Variants in BCL9 observed in about 807,000 individuals in gnomAD.
BCL9 encodes BCL9 transcription coactivator.
In BCL9, 25 loss-of-function variants were observed where a neutral mutation model predicts 88.5. That is an observed-to-expected ratio of 0.28 (90% CI 0.21 to 0.39). The LOEUF is 0.39. BCL9 is among the 10% of genes least tolerant of loss of function. The probability of loss-of-function intolerance (pLI) is 1.00; values close to 1 mark genes in which losing one functional copy is unlikely to be tolerated. For synonymous variants in BCL9, 711 were observed against 673.3 expected, an observed-to-expected ratio of 1.06 and a Z score of -0.87; for missense variants, 1,817 against 1,877.8, an observed-to-expected ratio of 0.97 and a Z score of 0.60.
intron 1 of BCL9, among the ~76,000 whole-genome samples, chr1:147,548,906 G>C (rs959425189): frequency 6.6e-6 from 1 of 150,438 alleles, no homozygotes; most frequent in East Asian, 1.9e-4. Context: ...TTTCTCTCCT[G>C]TTGCAAAGAA....
intron 1 of BCL9, among the ~76,000 whole-genome samples, chr1:147,569,901 A>G (rs1337371415): frequency 1.3e-5 from 2 of 152,162 alleles, no homozygotes; most frequent in Non-Finnish European, 2.9e-5. Flanking sequence ...TGGCTTAGGC[A>G]TCTGAATATT....
chr1:147,603,469 G>T (rs1657503402), intron 1 of BCL9, among the ~76,000 whole-genome samples: 1 of 152,132 alleles, frequency 6.6e-6, no homozygotes, highest in Non-Finnish European at 1.5e-5. Flanking sequence ...CTGCCTTGGT[G>T]AAGATTACTT....
At chr1:147,571,616 T>C (rs988073627) in intron 1 of BCL9, among the ~76,000 whole-genome samples, 1 of 152,138 alleles carries the variant, frequency 6.6e-6, no homozygotes, top group Non-Finnish European at 1.5e-5. Flanking sequence ...CCCTTTTCCC[T>C]GTATCCCACT....
At chr1:147,551,021 A>G (rs17160417) in intron 1 of BCL9, among the ~76,000 whole-genome samples, 2,805 of 152,300 alleles carry the variant, frequency 0.018, 96 homozygotes, top group African/African-American at 0.064. Context: ...CACTTTTTGT[A>G]TCATTTATTC....
chr1:147,553,852 A>G (rs1654993697), intron 1 of BCL9, among the ~76,000 whole-genome samples: 3 of 152,182 alleles, frequency 2.0e-5, no homozygotes, highest in Admixed American at 2.0e-4. Flanking sequence ...CAGGTTTGAT[A>G]AACTAACTGG....
chr1:147,549,664 T>A (rs587711989), intron 1 of BCL9, among the ~76,000 whole-genome samples: 1 of 152,312 alleles, frequency 6.6e-6, no homozygotes, highest in South Asian at 2.1e-4. Flanking sequence ...GGCTTCTGGT[T>A]GCAAAGGACT....
chr1:147,616,513 A>G (rs1437938839), intron 7 of BCL9, among the ~76,000 whole-genome samples: 2 of 152,148 alleles, frequency 1.3e-5, no homozygotes, highest in Non-Finnish European at 2.9e-5. Flanking sequence ...CATGCCTGTA[A>G]TCCCAGCACT....
Position 147,620,563 on chromosome 1 carries a change from C to G in BCL9, c.2408C>G (p.Pro803Arg). 1 of 1,613,800 alleles carries G rather than the reference C, an allele frequency of 6.2e-7. No individual in the cohort carries two copies. The change falls in exon 8 of 10, where the codon CCA (proline) becomes CGA (arginine). Residue 803 changes from proline to arginine, a missense_variant. Transcript: ENST00000234739. ...AGTGGCTTGCGGAATCTCAGAGAACCAATTGGGCCCGACCAGAGGACTAAC... is the reference window on the plus strand; with the variant it reads ...AGTGGCTTGCGGAATCTCAGAGAACGAATTGGGCCCGACCAGAGGACTAAC... The part of the protein sequence containing the change: ...SNSGLRNLRE[P>R]IGPDQRTNSR...
chr1:147,545,533 G>T (rs1654526708), intron 1 of BCL9, among the ~76,000 whole-genome samples: 5 of 152,176 alleles, frequency 3.3e-5, no homozygotes, highest in Admixed American at 2.6e-4. Context: ...AACTCTGGGG[G>T]AAGAAAACTG....
chr1:147,556,415 C>T (rs1025549328), intron 1 of BCL9, among the ~76,000 whole-genome samples: 2 of 151,654 alleles, frequency 1.3e-5, no homozygotes, highest in Non-Finnish European at 2.9e-5. Flanking sequence ...TGAGCCACCG[C>T]GCCCAGCCTC....
At chr1:147,622,196 A>G in intron 8 of BCL9, 75 bp from the exon 9 acceptor site, 16 of 1,569,988 alleles carry the variant, frequency 1.0e-5, no homozygotes, top group Non-Finnish European at 1.4e-5. Flanking sequence ...TTGCTAGTTC[A>G]TAATCATAGG....
At position 147,618,875 on chromosome 1, in the gene BCL9, T is replaced by C. The variant is rs1409883861; in HGVS notation, c.720T>C (p.Ala240=). ...AACCTCTCCCACAACAGCCCCCAGCTCCGGCCAACCAGGACCAGAATTCTT... is the reference window on the plus strand; with the variant it reads ...AACCTCTCCCACAACAGCCCCCAGCCCCGGCCAACCAGGACCAGAATTCTT... ...DPKPLPQQPP[A]PANQDQNSSQ... Residue 240 remains alanine (A), a synonymous_variant, in exon 8 of 10, where the codon GCT becomes GCC. Coordinates refer to ENST00000234739, the MANE Select transcript of BCL9 (RefSeq NM_004326.4). 5.0e-6 allele frequency: 8 copies of C among 1,607,478 alleles called. No homozygotes were observed. Among genetic ancestry groups the C allele is most frequent in the Non-Finnish European group, 6.8e-6 (8 of 1,176,714 alleles).
chr1:147,598,546 G>A (rs1553200709), intron 1 of BCL9, among the ~76,000 whole-genome samples: 2 of 152,144 alleles, frequency 1.3e-5, no homozygotes, highest in Non-Finnish European at 2.9e-5. Context: ...GCCCAAGGAA[G>A]GTTTCCTTTA....
chr1:147,553,424 A>C (rs1654978332), intron 1 of BCL9, among the ~76,000 whole-genome samples: 2 of 152,166 alleles, frequency 1.3e-5, no homozygotes, highest in Admixed American at 1.3e-4. Context: ...TCCATGCTAT[A>C]TTCTACTTTG....
intron 1 of BCL9, among the ~76,000 whole-genome samples, chr1:147,560,474 C>T (rs1413705826): frequency 6.6e-6 from 1 of 151,754 alleles, no homozygotes; most frequent in African/African-American, 2.4e-5. Context: ...CCTGTAATCC[C>T]AGCTACTCAG....
At chr1:147,565,009 T>C (rs1655540320) in intron 1 of BCL9, among the ~76,000 whole-genome samples, 1 of 152,212 alleles carries the variant, frequency 6.6e-6, no homozygotes, top group Non-Finnish European at 1.5e-5. Context: ...GCTACCATAT[T>C]GGGCAGTGCA....
chr1:147,548,332 G>A (rs1290677226), intron 1 of BCL9, among the ~76,000 whole-genome samples: 2 of 152,188 alleles, frequency 1.3e-5, no homozygotes, highest in African/African-American at 4.8e-5. Context: ...GGCAACCATA[G>A]TCTAAAGAAT....
chr1:147,573,428 G>C (rs1361404404), intron 1 of BCL9, among the ~76,000 whole-genome samples: 2 of 151,972 alleles, frequency 1.3e-5, no homozygotes, highest in Non-Finnish European at 2.9e-5. Flanking sequence ...ACTGCAGACT[G>C]GGCAACAGGA....
At position 147,624,384 on chromosome 1, in the gene BCL9, C is replaced by T; in HGVS notation, c.3706C>T (p.Leu1236=). Residue 1236 remains leucine (L), a synonymous_variant, in exon 10 of 10, where the codon CTA becomes TTA. Coordinates refer to ENST00000234739, the MANE Select transcript of BCL9 (RefSeq NM_004326.4). This position sits in a 1 kb window ranked among gnomAD's most constrained non-coding sequence, Gnocchi z 4.4. ...PGATGIPEFD[L]SRIIPSEKPS... is the part of the protein sequence containing the mutation. Reference sequence around the variant, plus strand: ...AGCCACCGGAATACCTGAGTTTGATCTATCCCGCATTATTCCATCTGAGAA... The same window carrying T: ...AGCCACCGGAATACCTGAGTTTGATTTATCCCGCATTATTCCATCTGAGAA... 1 of 1,614,254 alleles carries T rather than the reference C, an allele frequency of 6.2e-7. No individual in the cohort carries two copies. Among genetic ancestry groups the T allele is most frequent in the African/African-American group, 1.3e-5 (1 of 75,072 alleles).
Sources: gnomAD v4.1 joint callset for allele counts (sites outside exome capture counted in the v4.1 genomes callset) on GRCh38, gnomAD v4.1.1 for gene constraint, Gnocchi (gnomAD v3.1) non-coding constraint, MANE v1.5 for transcripts, NCBI Gene and HGNC (gene_info 2026-07-23, HGNC 2026-07-21) for gene names.